ARHGAP10: variants seen among roughly 807,000 people sequenced by gnomAD.
ARHGAP10 encodes rho GTPase-activating protein 10.
ARHGAP10 carries 87 observed loss-of-function variants against 108.6 expected under a neutral mutation model. That is an observed-to-expected ratio of 0.80 (90% CI 0.67 to 0.96). ARHGAP10 has a LOEUF of 0.96. Among genes scored for constraint, ARHGAP10 ranks in the 40% least tolerant of loss-of-function variants. The probability of loss-of-function intolerance (pLI) is 0.00; values close to 1 mark genes in which losing one functional copy is unlikely to be tolerated. For missense variants in ARHGAP10, 939 were observed against 954.5 expected, an observed-to-expected ratio of 0.98 and a Z score of 0.21; for synonymous variants, 347 against 341.1, an observed-to-expected ratio of 1.02 and a Z score of -0.19.
At chr4:147,976,437 A>G (rs1739597636) in intron 18 of ARHGAP10, among the ~76,000 whole-genome samples, 1 of 152,098 alleles carries the variant, frequency 6.6e-6, no homozygotes, top group African/African-American at 2.4e-5. Flanking sequence ...TCAAAATCCC[A>G]TAGCAAGAAT....
In ARHGAP10 at chr4:147,834,123, C is replaced by CAAGA. The variant is rs1733065839; in HGVS notation, c.312+11166_312+11167insAAGA. ...AGAGTGGGGGACCCAGGTCTCTCTT[C>CAAGA]CTTTTTCTTTCTATAAAGTCACCAG... On this transcript the variant is annotated intron_variant, in intron 3 of 22. Transcript: ENST00000336498. 2.0e-5 allele frequency among the ~76,000 whole-genome samples: 3 copies of CAAGA among 152,326 alleles called. No homozygotes were observed. In the South Asian group the frequency reaches 6.2e-4, roughly 32 times the overall value.
chr4:148,062,247 T>C (rs1729652836), intron 20 of ARHGAP10, among the ~76,000 whole-genome samples: 1 of 152,144 alleles, frequency 6.6e-6, no homozygotes, highest in African/African-American at 2.4e-5. Context: ...AAGAACACGG[T>C]GCTAGTTCTC....
intron 4 of ARHGAP10, among the ~76,000 whole-genome samples, chr4:147,848,002 C>T (rs1318080189): frequency 6.6e-6 from 1 of 151,824 alleles, no homozygotes; most frequent in African/African-American, 2.4e-5. Flanking sequence ...TTGGCTTGGC[C>T]CAAGGAGAGG....
chr4:147,777,282 G>A (rs13136624), intron 1 of ARHGAP10, among the ~76,000 whole-genome samples: 111,177 of 147,346 alleles, frequency 0.75, 47,609 homozygotes, highest in Non-Finnish European at 0.94. Context: ...TTTTTTAGAC[G>A]GAGTCTCACT....
chr4:148,033,994 T>A (rs1445992132), intron 19 of ARHGAP10, among the ~76,000 whole-genome samples: 1 of 152,170 alleles, frequency 6.6e-6, no homozygotes, highest in Admixed American at 6.5e-5. Context: ...TAAGTTTGGA[T>A]TTAAATTTCT....
At chr4:147,851,865 A>G (rs1733888447) in intron 4 of ARHGAP10, among the ~76,000 whole-genome samples, 1 of 152,192 alleles carries the variant, frequency 6.6e-6, no homozygotes, top group African/African-American at 2.4e-5. Context: ...CTACCATCTC[A>G]TCTTTGGAGC....
At chr4:147,892,038 A>C (rs1382027984) in intron 10 of ARHGAP10, among the ~76,000 whole-genome samples, 1 of 152,228 alleles carries the variant, frequency 6.6e-6, no homozygotes, top group African/African-American at 2.4e-5. Flanking sequence ...CTGCTTAAAG[A>C]AAATGCTTCC....
At chr4:147,750,940 G>A (rs925931664) in intron 1 of ARHGAP10, among the ~76,000 whole-genome samples, 1 of 151,998 alleles carries the variant, frequency 6.6e-6, no homozygotes, top group Non-Finnish European at 1.5e-5. Context: ...GCTTTGGAGG[G>A]CTCATTGTGG....
At chr4:148,002,521 C>G (rs543658333) in intron 18 of ARHGAP10, among the ~76,000 whole-genome samples, 6 of 152,130 alleles carry the variant, frequency 3.9e-5, no homozygotes, top group Admixed American at 3.3e-4. Flanking sequence ...TGGTAGAATT[C>G]GGCTGTGAAT....
At chr4:148,023,221 G>C in intron 18 of ARHGAP10, 42 bp from the exon 19 acceptor site, 1 of 1,607,204 alleles carries the variant, frequency 6.2e-7, no homozygotes, top group African/African-American at 1.3e-5. Flanking sequence ...ACAGGTTTCT[G>C]TTCATGGTAA....
intron 13 of ARHGAP10, among the ~76,000 whole-genome samples, 194 bp from the exon 14 acceptor site, chr4:147,939,631 A>AT (rs1216011315): frequency 6.6e-6 from 1 of 152,208 alleles, no homozygotes; most frequent in Admixed American, 6.5e-5. Flanking sequence ...TGCTGAGATT[A>AT]TTTTTTTAAC....
At chr4:148,062,073 G>A (rs1365833045) in intron 20 of ARHGAP10, among the ~76,000 whole-genome samples, 1 of 152,202 alleles carries the variant, frequency 6.6e-6, no homozygotes, top group East Asian at 1.9e-4. Flanking sequence ...CAGAGCTGTG[G>A]CAGACAGGGT....
At chr4:147,838,077 T>C (rs1193871165) in intron 3 of ARHGAP10, among the ~76,000 whole-genome samples, 1 of 152,138 alleles carries the variant, frequency 6.6e-6, no homozygotes, top group African/African-American at 2.4e-5. Flanking sequence ...TTTAGAAACA[T>C]TTTCTGCACT....
chr4:147,845,107 C>G (rs941210222), intron 3 of ARHGAP10, among the ~76,000 whole-genome samples: 3 of 152,222 alleles, frequency 2.0e-5, no homozygotes, highest in Admixed American at 2.0e-4. Context: ...TCATCCTTTG[C>G]CTCTGCTGAT....
intron 10 of ARHGAP10, among the ~76,000 whole-genome samples, chr4:147,884,748 A>G (rs1365715471): frequency 6.6e-6 from 1 of 152,188 alleles, no homozygotes; most frequent in Non-Finnish European, 1.5e-5. Flanking sequence ...GAGACAGGAG[A>G]GAGCATGATG....
intron 1 of ARHGAP10, among the ~76,000 whole-genome samples, chr4:147,789,293 A>G (rs767464560): frequency 1.3e-5 from 2 of 152,004 alleles, no homozygotes; most frequent in African/African-American, 4.8e-5. Flanking sequence ...TTTTCCACAT[A>G]TTTTATTTAT....
intron 12 of ARHGAP10, among the ~76,000 whole-genome samples, chr4:147,911,193 A>G (rs537079325): frequency 1.3e-5 from 1 of 78,364 alleles, no homozygotes; most frequent in East Asian, 3.3e-4. Flanking sequence ...ATTCTTGAGC[A>G]GAAAACCACT....
At chr4:147,819,746 A>G (rs539895369) in intron 1 of ARHGAP10, among the ~76,000 whole-genome samples, 7 of 152,152 alleles carry the variant, frequency 4.6e-5, no homozygotes, top group South Asian at 2.1e-4. Flanking sequence ...TCTAGTAGAG[A>G]TGGGGTTTCA....
At chr4:147,774,686 A>G (rs190116101) in intron 1 of ARHGAP10, among the ~76,000 whole-genome samples, 1 of 152,310 alleles carries the variant, frequency 6.6e-6, no homozygotes, top group East Asian at 1.9e-4. Context: ...ATAAAATTCA[A>G]ATAATGCTTT....
Sources: gnomAD v4.1 joint callset for allele counts (sites outside exome capture counted in the v4.1 genomes callset) on GRCh38, gnomAD v4.1.1 for gene constraint, MANE v1.5 for transcripts, NCBI Gene and HGNC (gene_info 2026-07-23, HGNC 2026-07-21) for gene names.